Variants in COL6A6 observed in about 807,000 individuals in gnomAD.
The protein encoded by COL6A6 is collagen alpha-6(VI) chain.
In COL6A6, 183 loss-of-function variants were observed where a neutral mutation model predicts 208.6. The observed-to-expected ratio is 0.88, with a 90% CI of 0.78 to 0.99. COL6A6 has a LOEUF of 0.99. COL6A6 is among the 50% of genes least tolerant of loss of function. COL6A6 has a pLI of 0.00. For synonymous variants in COL6A6, 973 were observed against 1,011.8 expected (o/e 0.96, Z 0.73); for missense variants, 2,816 against 2,815.2 (o/e 1.00, Z -0.01).
intron 18 of COL6A6, 67 bp downstream of exon 18, chr3:130,594,410 C>CG: frequency 8.0e-7 from 1 of 1,243,868 alleles, no homozygotes; most frequent in Non-Finnish European, 1.2e-6. Flanking sequence ...TAGGGAGTCT[C>CG]GATTTCAAGG....
intron 1 of COL6A6, among the ~76,000 whole-genome samples, chr3:130,543,605 A>C (rs554960209): frequency 1.1e-4 from 16 of 152,324 alleles, no homozygotes; most frequent in African/African-American, 3.8e-4. Context: ...ATACTGCTTC[A>C]TGAGTAAGGC....
intron 7 of COL6A6, among the ~76,000 whole-genome samples, chr3:130,573,453 A>G (rs1163516764): frequency 6.6e-6 from 1 of 152,120 alleles, no homozygotes; most frequent in Admixed American, 6.5e-5. Context: ...CATTCCTTGT[A>G]CTGACTTTAA....
intron 23 of COL6A6, among the ~76,000 whole-genome samples, chr3:130,612,812 G>A (rs1375930904): frequency 3.9e-5 from 6 of 152,106 alleles, no homozygotes; most frequent in Non-Finnish European, 4.4e-5. Context: ...TATGCCTGCT[G>A]GCCATGTATA....
intron 8 of COL6A6, among the ~76,000 whole-genome samples, chr3:130,580,387 T>C (rs901196301): frequency 3.9e-5 from 6 of 152,222 alleles, no homozygotes; most frequent in Non-Finnish European, 8.8e-5. Flanking sequence ...ATGATGAAAA[T>C]TGATTATCAA....
intron 1 of COL6A6, among the ~76,000 whole-genome samples, chr3:130,555,408 A>G (rs928207362): frequency 1.3e-5 from 2 of 151,948 alleles, no homozygotes; most frequent in Non-Finnish European, 2.9e-5. Flanking sequence ...TCCATTCTCA[A>G]TGCCTTTGCT....
chr3:130,671,970 T>C lies in COL6A6; in HGVS notation c.6597-3232T>C, dbSNP rs192428072. Among the ~76,000 whole-genome samples the C allele has an allele frequency of 1.7e-3, 255 of 152,360 alleles. 2 individuals carry two copies. The highest frequency in any genetic ancestry group is 1.5e-3 in the Non-Finnish European group (105 of 68,026). On this transcript the variant is annotated intron_variant, in intron 36 of 36. Transcript: ENST00000358511. ...CAGTGATAGGCCAGAGCCAGAACAATTGAATTGTAAAAATGGACATAATCA... is the reference window on the plus strand; with the variant it reads ...CAGTGATAGGCCAGAGCCAGAACAACTGAATTGTAAAAATGGACATAATCA...
intron 23 of COL6A6, among the ~76,000 whole-genome samples, 168 bp from the exon 24 acceptor site, chr3:130,621,648 CTTTTA>C (rs1329844264): frequency 6.6e-6 from 1 of 152,162 alleles, no homozygotes; most frequent in Non-Finnish European, 1.5e-5. Context: ...TATTAATTTT[CTTTTA>C]TTTACCAGTC....
intron 23 of COL6A6, among the ~76,000 whole-genome samples, chr3:130,612,643 C>T (rs1448727856): frequency 6.6e-6 from 1 of 152,106 alleles, no homozygotes; most frequent in African/African-American, 2.4e-5. Context: ...TAGCGCAACA[C>T]AGGGTTGACA....
chr3:130,560,522 C>G, intron 2 of COL6A6, 94 bp downstream of exon 2: 2 of 1,129,886 alleles, frequency 1.8e-6, no homozygotes, highest in East Asian at 5.0e-5. Context: ...TTTTGTATCA[C>G]TTTGTTTTGA....
intron 18 of COL6A6, among the ~76,000 whole-genome samples, chr3:130,594,945 C>G (rs1329145008): frequency 6.6e-6 from 1 of 152,100 alleles, no homozygotes; most frequent in Non-Finnish European, 1.5e-5. Flanking sequence ...GAAACCACCC[C>G]CATGATTCAA....
chr3:130,672,148 C>A (rs545327058), intron 36 of COL6A6, among the ~76,000 whole-genome samples: 1 of 152,334 alleles, frequency 6.6e-6, no homozygotes, highest in East Asian at 1.9e-4. Flanking sequence ...TGTAGCATGG[C>A]TGACTCTTGA....
intron 12 of COL6A6, among the ~76,000 whole-genome samples, chr3:130,590,814 G>A (rs57041045): frequency 6.6e-6 from 1 of 152,022 alleles, no homozygotes; most frequent in Non-Finnish European, 1.5e-5. Flanking sequence ...TGATCCGCCC[G>A]CCTGGGCCTC....
At chr3:130,603,389 A>G (rs534820643) in intron 20 of COL6A6, among the ~76,000 whole-genome samples, 47 of 152,316 alleles carry the variant, frequency 3.1e-4, no homozygotes, top group Admixed American at 2.5e-3. Flanking sequence ...TTTCCTGCTG[A>G]GAATCACTTT....
intron 18 of COL6A6, among the ~76,000 whole-genome samples, chr3:130,597,049 G>A (rs957161083): frequency 1.3e-5 from 2 of 152,154 alleles, no homozygotes; most frequent in African/African-American, 2.4e-5. Flanking sequence ...TGTAAAATGT[G>A]CTGGTATATG....
At position 130,581,896 on chromosome 3, in the gene COL6A6, C is replaced by A; in HGVS notation, c.3883C>A (p.Arg1295=). 1 of 1,603,582 alleles carries A rather than the reference C, an allele frequency of 6.2e-7. No homozygotes were observed. The highest frequency in any genetic ancestry group is 1.1e-5 in the South Asian group (1 of 89,744). Residue 1295 remains arginine, a synonymous_variant, in exon 9 of 37, where the codon CGA becomes AGA. Transcript: ENST00000358511. ...WDTFQNKSAA[R]GKVVLLFSDG... ...TACATTTCAGAATAAATCAGCTGCT[C>A]GAGGAAAGGTAACATGGATTTATCT... is the stretch of plus-strand genomic sequence containing the variant.
intron 3 of COL6A6, among the ~76,000 whole-genome samples, chr3:130,564,749 C>T (rs959247404): frequency 6.6e-6 from 1 of 152,166 alleles, no homozygotes; most frequent in African/African-American, 2.4e-5. Context: ...GCATTAAATC[C>T]CCATAACAAC....
chr3:130,628,782 C>T lies in COL6A6; in HGVS notation c.4992+1413C>T, dbSNP rs574211009. Among the ~76,000 whole-genome samples, 32 of 65,572 alleles carry T rather than the reference C, an allele frequency of 4.9e-4. 6 individuals carry two copies. In the South Asian group the frequency reaches 0.014, roughly 28 times the overall value. 43.0% of individuals were successfully genotyped at this position (65,572 alleles called of 152,430 possible). On this transcript the variant is annotated intron_variant, in intron 26 of 36. Coordinates refer to ENST00000358511, the MANE Select transcript of COL6A6 (RefSeq NM_001102608.3). ...TCCGGTCTACAGCTCCCTGCGTGAG[C>T]GACGCAGAAGACGGTGATTTCTGCA...
chr3:130,655,326 G>A (rs2065758957), intron 33 of COL6A6, among the ~76,000 whole-genome samples: 1 of 152,136 alleles, frequency 6.6e-6, no homozygotes, highest in African/African-American at 2.4e-5. Context: ...GAATCCAGAT[G>A]AACCCACTCT....
chr3:130,641,753 C>A, intron 29 of COL6A6, 39 bp downstream of exon 29: 2 of 1,270,856 alleles, frequency 1.6e-6, no homozygotes, highest in East Asian at 2.4e-5. Context: ...GGTCCTTTTC[C>A]ATTAAAAAAA....
Sources: allele counts gnomAD v4.1 joint callset (sites outside exome capture counted in the v4.1 genomes callset), GRCh38; gene constraint gnomAD v4.1.1; transcripts MANE v1.5; gene names NCBI Gene and HGNC (gene_info 2026-07-23, HGNC 2026-07-21).